Variants in DDX60L observed in about 807,000 individuals in gnomAD.
The protein encoded by DDX60L is DExD/H-box 60 like, also known as probable ATP-dependent RNA helicase DDX60-like.
In DDX60L, 191 loss-of-function variants were observed where a neutral mutation model predicts 211.6. The ratio of observed to expected loss-of-function variants is 0.90; its 90% CI spans 0.80 to 1.02. The LOEUF (loss-of-function observed/expected upper bound fraction) is 1.02. Among genes scored for constraint, DDX60L ranks in the 50% least tolerant of loss-of-function variants. The probability of loss-of-function intolerance (pLI) is 0.00; values close to 1 mark genes in which losing one functional copy is unlikely to be tolerated. For missense variants in DDX60L, 2,007 were observed against 1,984.1 expected (o/e 1.01, Z -0.22); for synonymous variants, 706 against 694.1 (o/e 1.02, Z -0.27).
chr4:168,388,621 C>A (rs1475633606), intron 29 of DDX60L, among the ~76,000 whole-genome samples: 1 of 152,198 alleles, frequency 6.6e-6, no homozygotes, highest in Non-Finnish European at 1.5e-5. Flanking sequence ...AATTAACTAA[C>A]TTGTCCGTAG....
rs1372168123 is a variant in DDX60L, at chr4:168,447,116, T to G, written c.1138+1522A>C. Reference sequence around the variant, plus strand: ...GGCAACCTACAAAATGGGAGAAAATTTTCGCAACCTACTCATCTGACAAAG... The same window carrying G: ...GGCAACCTACAAAATGGGAGAAAATGTTCGCAACCTACTCATCTGACAAAG... On this transcript the variant is annotated intron_variant, in intron 9 of 37. Coordinates refer to ENST00000682922, the MANE Select transcript of DDX60L (RefSeq NM_001012967.3). 5.5e-5 allele frequency among the ~76,000 whole-genome samples: 7 copies of G among 127,412 alleles called. No homozygotes were observed. In the East Asian group the frequency reaches 1.5e-3, roughly 26 times the overall value. The allele number at this position is 127,412 out of a possible 152,430, so 83.6% of individuals were successfully genotyped here.
intron 26 of DDX60L, 87 bp from the exon 27 acceptor site, chr4:168,396,211 C>T: frequency 5.1e-6 from 4 of 788,500 alleles, no homozygotes; most frequent in Non-Finnish European, 7.6e-6. Flanking sequence ...ACAGATTTCC[C>T]TTGGTCATCC....
chr4:168,449,229 T>A (rs1755291531), intron 8 of DDX60L, among the ~76,000 whole-genome samples: 1 of 151,982 alleles, frequency 6.6e-6, no homozygotes, highest in Admixed American at 6.6e-5. Flanking sequence ...TCCATCTTCT[T>A]TAGCCAAGAC....
rs1291236062 is a variant in DDX60L at position 168,464,207 on chromosome 4, A to G, written c.265-2167T>C. On this transcript the variant is annotated intron_variant, in intron 4 of 37. Coordinates refer to ENST00000682922, the MANE Select transcript of DDX60L (RefSeq NM_001012967.3). ...CTAGAAGATTATATTCAAGAACTGT[A>G]GAATATATATTATTTCCAAGAACAC... 2.6e-5 allele frequency among the ~76,000 whole-genome samples: 4 copies of G among 152,168 alleles called. No homozygotes were observed. In the East Asian group the frequency reaches 7.7e-4, roughly 29 times the overall value.
In DDX60L at chr4:168,384,716, T is replaced by C. The variant is rs1421169429; in HGVS notation, c.4012A>G (p.Ser1338Gly). The C allele has an allele frequency of 1.2e-6, 2 of 1,613,890 alleles. No individual in the cohort carries two copies. The highest frequency in any genetic ancestry group is 1.7e-6 in the Non-Finnish European group (2 of 1,179,948). ...LPKIKRLLAS[S>G]VPELRGQFPL... ...AACTGTCCTCTCAGCTCAGGAACAC[T>C]GGATGCAAGGAGTCTTTTTATTTTG... The change falls in exon 30 of 38, where the codon AGT (serine) becomes GGT (glycine). Residue 1338 changes from serine to glycine, a missense_variant. Coordinates refer to ENST00000682922, the MANE Select transcript of DDX60L (RefSeq NM_001012967.3).
At chr4:168,452,880 T>C (rs973663497) in intron 8 of DDX60L, among the ~76,000 whole-genome samples, 11 of 152,162 alleles carry the variant, frequency 7.2e-5, no homozygotes, top group Non-Finnish European at 1.2e-4. Flanking sequence ...TTTTCTATGA[T>C]TGATTATACA....
Position 168,384,803 on chromosome 4 carries a change from G to A in DDX60L, c.3925C>T (p.Arg1309Cys), listed in dbSNP as rs777986923. The A allele has an allele frequency of 7.4e-6, 12 of 1,612,400 alleles. No homozygotes were observed. Among genetic ancestry groups the A allele is most frequent in the East Asian group, 2.2e-5 (1 of 44,838 alleles). ...DALNYRQMSG[R>C]AGRRGQDLLG... ...AGGTCTTGACCTCTTCTTCCAGCAC[G>A]ACCAGACATCTGGAAGCAGCAAAGA... The change falls in exon 30 of 38, where the codon CGT (arginine) becomes TGT (cysteine). Residue 1309 changes from arginine (R) to cysteine (C), a missense_variant. Transcript: ENST00000682922.
chr4:168,433,037 A>C lies in DDX60L; in HGVS notation c.1373T>G (p.Met458Arg). The C allele has an allele frequency of 6.2e-7, 1 of 1,609,156 alleles. No individual in the cohort carries two copies. Among genetic ancestry groups the C allele is most frequent in the Non-Finnish European group, 8.5e-7 (1 of 1,177,430 alleles). ...SAVIDEFVGDMMKDLPILKSD... is the reference protein window; with the variant it reads ...SAVIDEFVGDRMKDLPILKSD... ...CTTTAGAATAGGCAAATCCTTCATC[A>C]TATCTCCAACAAACTCATCAATTAC... The change falls in exon 11 of 38, where the codon ATG (methionine) becomes AGG (arginine). Residue 458 changes from methionine to arginine, a missense_variant. Met to Arg is a moderately conservative substitution (Grantham distance 91, BLOSUM62 -1). Coordinates refer to ENST00000682922, the MANE Select transcript of DDX60L (RefSeq NM_001012967.3).
chr4:168,441,507 A>G lies in DDX60L; in HGVS notation c.1139-15T>C. The G allele has an allele frequency of 1.3e-6, 2 of 1,572,520 alleles. No homozygotes were observed. The highest frequency in any genetic ancestry group is 2.3e-5 in the South Asian group (2 of 85,272). On this transcript the variant is annotated splice_polypyrimidine_tract_variant and intron_variant, in intron 9 of 37. Coordinates refer to ENST00000682922, the MANE Select transcript of DDX60L (RefSeq NM_001012967.3). ...CAAATGTGGTTCTGCATAACAATAA[A>G]AAATATTAAAATCTCAAAAGTCATA...
rs1742546093 is a variant in DDX60L at position 168,379,494 on chromosome 4, T to C, written c.4232A>G (p.Asn1411Ser). The C allele has an allele frequency of 6.4e-7, 1 of 1,574,248 alleles. No individual in the cohort carries two copies. The highest frequency in any genetic ancestry group is 8.6e-7 in the Non-Finnish European group (1 of 1,165,854). ...AAATTTCTTTGGATTACCCTTTTTA[T>C]TTAAATAGTCCTAAAAATGAGAAAC... ...LQLLIKEDYL[N>S]KKGNPKKFAG... The change falls in exon 32 of 38, where the codon AAT becomes AGT. Residue 1411 changes from asparagine (N) to serine (S), a missense_variant. Physicochemically the swap from Asn to Ser is conservative, Grantham distance 46. Transcript: ENST00000682922.
rs1752197865 is a variant in DDX60L, at chr4:168,430,602, T to C, written c.1553A>G (p.Lys518Arg). Reference sequence around the variant, plus strand: ...AAATTGCTGATAATCCTGAATCTTTTTCAGGAAATCAAGAACATGAGGATC... The same window carrying C: ...AAATTGCTGATAATCCTGAATCTTTCTCAGGAAATCAAGAACATGAGGATC... ...SRDPHVLDFL[K>R]KIQDYQQFYG... Residue 518 changes from lysine to arginine, a missense_variant, in exon 13 of 38, where the codon AAA (lysine) becomes AGA (arginine). By Grantham distance (26) the Lys-to-Arg change is conservative (BLOSUM62 2). Coordinates refer to ENST00000682922, the MANE Select transcript of DDX60L (RefSeq NM_001012967.3). 1 of 1,581,802 alleles carries C rather than the reference T, an allele frequency of 6.3e-7. No individual in the cohort carries two copies. Among genetic ancestry groups the C allele is most frequent in the East Asian group, 2.3e-5 (1 of 44,022 alleles).
rs201314991 is a variant in DDX60L, at chr4:168,384,726, G to C, written c.4002C>G (p.Leu1334=). ...FDIPLPKIKR[L]LASSVPELRG... is the part of the protein sequence containing the mutation. Reference sequence around the variant, plus strand: ...TCAGCTCAGGAACACTGGATGCAAGGAGTCTTTTTATTTTGGGCAATGGGA... The same window carrying C: ...TCAGCTCAGGAACACTGGATGCAAGCAGTCTTTTTATTTTGGGCAATGGGA... The change falls in exon 30 of 38, where the codon CTC becomes CTG. Residue 1334 remains leucine, a synonymous_variant. Transcript: ENST00000682922. The C allele has an allele frequency of 1.0e-4, 161 of 1,613,818 alleles. 1 individual carries two copies. The Admixed American group carries it at 2.4e-3, about 24-fold the overall frequency.
chr4:168,391,755 C>T (rs1300142582), intron 28 of DDX60L, 111 bp from the exon 29 acceptor site: 2 of 543,018 alleles, frequency 3.7e-6, no homozygotes, highest in African/African-American at 3.9e-5. Context: ...TAACAAACCA[C>T]ATGTCATTAA....
intron 9 of DDX60L, among the ~76,000 whole-genome samples, chr4:168,447,190 A>T (rs1289816784): frequency 6.6e-6 from 1 of 150,956 alleles, no homozygotes; most frequent in Non-Finnish European, 1.5e-5. Flanking sequence ...TACAAGAAAA[A>T]AACAAACAAC....
intron 29 of DDX60L, chr4:168,390,076 C>T (rs1744531210): frequency 3.1e-6 from 3 of 957,038 alleles, no homozygotes; most frequent in Non-Finnish European, 3.7e-6. Context: ...GCCACCTGAC[C>T]CTCGAGAAAC....
chr4:168,415,656 C>T lies in DDX60L; in HGVS notation c.2869+1G>A. ...GTAAAACATAAAAAAAATAAGCTTA[C>T]CAAGTCTAACTTCATATGATTGATT... On this transcript the variant is annotated splice_donor_variant, in intron 21 of 37. Coordinates refer to ENST00000682922, the MANE Select transcript of DDX60L (RefSeq NM_001012967.3). LOFTEE classifies it high-confidence loss of function. 2 of 1,563,096 alleles carry T rather than the reference C, an allele frequency of 1.3e-6. No homozygotes were observed. Among genetic ancestry groups the T allele is most frequent in the South Asian group, 1.2e-5 (1 of 80,534 alleles).
intron 8 of DDX60L, among the ~76,000 whole-genome samples, chr4:168,449,811 A>AAT (rs916018622): frequency 6.4e-5 from 6 of 93,830 alleles, no homozygotes; most frequent in African/African-American, 2.1e-4. Flanking sequence ...AAAATAAAAA[A>AAT]AAAAAAAAAA....
At chr4:168,414,551 G>A (rs941940650) in intron 22 of DDX60L, among the ~76,000 whole-genome samples, 3 of 151,922 alleles carry the variant, frequency 2.0e-5, no homozygotes, top group Non-Finnish European at 2.9e-5. Context: ...AGAGGTATCC[G>A]GACTCTCATG....
Position 168,431,778 on chromosome 4 carries a change from A to T in DDX60L, c.1516+677T>A, listed in dbSNP as rs549157801. Among the ~76,000 whole-genome samples the T allele has an allele frequency of 1.8e-4, 27 of 152,270 alleles. No homozygotes were observed. The South Asian group carries it at 5.6e-3, about 32-fold the overall frequency. On this transcript the variant is annotated intron_variant, in intron 12 of 37. Coordinates refer to ENST00000682922, the MANE Select transcript of DDX60L (RefSeq NM_001012967.3). Reference sequence around the variant, plus strand: ...GAAATAAACATCGGATTGGAGAAAGACACTAAAAGAATGAACCAGGAAAAA... The same window carrying T: ...GAAATAAACATCGGATTGGAGAAAGTCACTAAAAGAATGAACCAGGAAAAA...
Sources: allele counts gnomAD v4.1 joint callset (sites outside exome capture counted in the v4.1 genomes callset), GRCh38; gene constraint gnomAD v4.1.1; transcripts MANE v1.5; gene names NCBI Gene and HGNC (gene_info 2026-07-23, HGNC 2026-07-21).